AHI1: variants seen among roughly 807,000 people sequenced by gnomAD.
The protein encoded by AHI1 is Abelson helper integration site 1.
AHI1 carries 123 observed loss-of-function variants against 149.3 expected under a neutral mutation model. The ratio of observed to expected loss-of-function variants is 0.82; its 90% confidence interval spans 0.71 to 0.96. AHI1 has a LOEUF of 0.96. Among genes scored for constraint, AHI1 ranks in the 40% least tolerant of loss-of-function variants. The pLI, the probability that AHI1 is intolerant of heterozygous loss-of-function variation, is 0.00. For synonymous variants in AHI1, 475 were observed against 459.8 expected (o/e 1.03, Z -0.42); for missense variants, 1,439 against 1,422.7 (o/e 1.01, Z -0.18).
At position 135,290,527 on chromosome 6, in the gene AHI1, T is replaced by C; in HGVS notation, c.3486-2A>G. ...CTCTGTTCTTTTCTCATTTCAGAAC[T>C]ATAGGAGGGAAAGATCAGAAACAAG... On this transcript the variant is annotated splice_acceptor_variant, in intron 27 of 28. Coordinates refer to ENST00000265602, the MANE Select transcript of AHI1 (RefSeq NM_001134831.2). LOFTEE classifies it high-confidence loss of function. 1.2e-6 allele frequency: 2 copies of C among 1,613,652 alleles called. No homozygotes were observed. Among genetic ancestry groups the C allele is most frequent in the Non-Finnish European group, 1.7e-6 (2 of 1,179,786 alleles).
intron 5 of AHI1, 142 bp from the exon 6 acceptor site, chr6:135,467,776 G>C: frequency 1.9e-6 from 1 of 539,046 alleles, no homozygotes. Flanking sequence ...CTATCTTAGA[G>C]CATTTGATGA....
At chr6:135,489,352 C>A (rs969403373) in intron 5 of AHI1, among the ~76,000 whole-genome samples, 1 of 152,066 alleles carries the variant, frequency 6.6e-6, no homozygotes, top group Non-Finnish European at 1.5e-5. Flanking sequence ...TCTGATTATC[C>A]ATTTAATTTA....
chr6:135,399,953 TAA>T (rs1391876363), intron 22 of AHI1, among the ~76,000 whole-genome samples: 1 of 152,082 alleles, frequency 6.6e-6, no homozygotes, highest in Non-Finnish European at 1.5e-5. Flanking sequence ...CTTGCACAGG[TAA>T]ACTCGTGTCA....
chr6:135,294,778 AAACT>A (rs1265733189), intron 27 of AHI1, among the ~76,000 whole-genome samples: 8 of 151,714 alleles, frequency 5.3e-5, no homozygotes, highest in Admixed American at 4.6e-4. Flanking sequence ...TCACACATAC[AAACT>A]AACTGAAAAC....
intron 20 of AHI1, among the ~76,000 whole-genome samples, chr6:135,413,658 C>G (rs1432027452): frequency 6.6e-6 from 1 of 151,372 alleles, no homozygotes; most frequent in South Asian, 2.1e-4. Context: ...TTGACTTTAG[C>G]AATGTTGTAG....
intron 18 of AHI1, among the ~76,000 whole-genome samples, chr6:135,429,331 C>T (rs773275898): frequency 4.6e-5 from 7 of 151,680 alleles, no homozygotes; most frequent in Non-Finnish European, 8.9e-5. Flanking sequence ...GTATTATTAT[C>T]ATCTCTAACA....
At chr6:135,403,172 G>A in intron 22 of AHI1, among the ~76,000 whole-genome samples, 1 of 152,074 alleles carries the variant, frequency 6.6e-6, no homozygotes, top group Non-Finnish European at 1.5e-5. Context: ...TAGGAATTGG[G>A]AATGACTGCT....
At chr6:135,439,837 A>T (rs916367187) in intron 14 of AHI1, among the ~76,000 whole-genome samples, 3 of 152,174 alleles carry the variant, frequency 2.0e-5, no homozygotes, top group African/African-American at 7.2e-5. Context: ...AGGGTCTTAG[A>T]ACATATACCC....
chr6:135,414,495 A>G (rs145833163), intron 20 of AHI1, among the ~76,000 whole-genome samples: 205 of 152,316 alleles, frequency 1.3e-3, no homozygotes, highest in African/African-American at 4.8e-3. Context: ...ACAATTAGAA[A>G]ACAAACCAGA....
intron 23 of AHI1, among the ~76,000 whole-genome samples, chr6:135,360,697 G>A (rs541119773): frequency 7.2e-5 from 11 of 152,200 alleles, no homozygotes; most frequent in Non-Finnish European, 1.2e-4. Context: ...TAAATGTTAT[G>A]TTCATTCAAC....
At chr6:135,309,422 G>GA (rs1339158102) in intron 26 of AHI1, among the ~76,000 whole-genome samples, 1 of 150,744 alleles carries the variant, frequency 6.6e-6, no homozygotes, top group South Asian at 2.1e-4. Context: ...TTAGGGGAAA[G>GA]AAAAAACATA....
At chr6:135,480,249 A>C (rs1793406721) in intron 5 of AHI1, among the ~76,000 whole-genome samples, 1 of 152,148 alleles carries the variant, frequency 6.6e-6, no homozygotes, top group Non-Finnish European at 1.5e-5. Flanking sequence ...ATGGACCCAG[A>C]AGTTCAAGAC....
chr6:135,305,700 T>C (rs1784458214), intron 26 of AHI1, among the ~76,000 whole-genome samples: 2 of 152,196 alleles, frequency 1.3e-5, no homozygotes, highest in Admixed American at 6.5e-5. Context: ...AAACAACCAA[T>C]ATGATCATGT....
intron 24 of AHI1, among the ~76,000 whole-genome samples, chr6:135,352,723 A>ATG (rs1792332011): frequency 2.0e-5 from 3 of 150,028 alleles, no homozygotes; most frequent in African/African-American, 7.3e-5. Flanking sequence ...ACACACACAC[A>ATG]CACACACACA....
chr6:135,330,924 T>G (rs1020320256), intron 24 of AHI1, among the ~76,000 whole-genome samples: 1 of 152,256 alleles, frequency 6.6e-6, no homozygotes, highest in Non-Finnish European at 1.5e-5. Flanking sequence ...AACTTCCCTA[T>G]GTCCAATTAG....
intron 27 of AHI1, 140 bp from the exon 28 acceptor site, chr6:135,290,665 G>A (rs936865923): frequency 9.2e-6 from 7 of 760,692 alleles, no homozygotes; most frequent in South Asian, 5.0e-5. Context: ...AAAAACATCC[G>A]GCAGAACTAA....
chr6:135,431,360 T>C, intron 16 of AHI1, 46 bp from the exon 17 acceptor site: 1 of 1,212,882 alleles, frequency 8.2e-7, no homozygotes, highest in East Asian at 2.5e-5. Flanking sequence ...TCACACAGAG[T>C]TAGAAACAAA....
chr6:135,362,533 T>C (rs1473788682), intron 23 of AHI1, among the ~76,000 whole-genome samples: 2 of 152,204 alleles, frequency 1.3e-5, no homozygotes. Flanking sequence ...CCAACATCTA[T>C]TATTTTTTGA....
At chr6:135,451,493 A>T (rs1788091337) in intron 11 of AHI1, among the ~76,000 whole-genome samples, 1 of 152,208 alleles carries the variant, frequency 6.6e-6, no homozygotes, top group Non-Finnish European at 1.5e-5. Flanking sequence ...AAAATGTTCA[A>T]CATATTTACC....
Sources: gnomAD v4.1 joint callset for allele counts (sites outside exome capture counted in the v4.1 genomes callset) on GRCh38, gnomAD v4.1.1 for gene constraint, MANE v1.5 for transcripts, NCBI Gene and HGNC (gene_info 2026-07-23, HGNC 2026-07-21) for gene names.